Variants in GRID2 observed in about 807,000 individuals in gnomAD.
The protein encoded by GRID2 is glutamate receptor ionotropic, delta-2.
In GRID2, 33 loss-of-function variants were observed where a neutral mutation model predicts 114.8. That is an observed-to-expected ratio of 0.29 (90% CI 0.22 to 0.38). GRID2 has a LOEUF of 0.38. Among genes scored for constraint, GRID2 ranks in the 10% least tolerant of loss-of-function variants. The pLI is 1.00. For missense variants in GRID2, 1,184 were observed against 1,257.7 expected, an observed-to-expected ratio of 0.94 and a Z score of 0.89; for synonymous variants, 505 against 449.9, an observed-to-expected ratio of 1.12 and a Z score of -1.55.
chr4:92,856,797 G>A (rs185324651), intron 2 of GRID2, among the ~76,000 whole-genome samples: 139 of 152,238 alleles, frequency 9.1e-4, no homozygotes, highest in African/African-American at 3.2e-3. Context: ...CACCATTGCA[G>A]GGATACCTTT....
At chr4:92,515,730 T>A (rs1005560882) in intron 1 of GRID2, among the ~76,000 whole-genome samples, 2 of 151,960 alleles carry the variant, frequency 1.3e-5, no homozygotes, top group African/African-American at 2.4e-5. Flanking sequence ...ATTTATTGAG[T>A]ACCTACTAAC....
chr4:93,133,978 G>A (rs1735024762), intron 4 of GRID2, among the ~76,000 whole-genome samples: 1 of 152,148 alleles, frequency 6.6e-6, no homozygotes, highest in African/African-American at 2.4e-5. Context: ...AGAATGCATA[G>A]TCTCACTTTT....
At chr4:93,094,925 T>G (rs1476172934) in intron 3 of GRID2, among the ~76,000 whole-genome samples, 2 of 151,814 alleles carry the variant, frequency 1.3e-5, no homozygotes, top group Non-Finnish European at 2.9e-5. Flanking sequence ...ATGTTGGTAT[T>G]TGAAAAAAGA....
chr4:93,154,805 C>A (rs1283180311), intron 4 of GRID2, among the ~76,000 whole-genome samples: 2 of 151,652 alleles, frequency 1.3e-5, no homozygotes, highest in Non-Finnish European at 2.9e-5. Context: ...CAACAAAAAA[C>A]CCTTTTCCTC....
At chr4:93,680,320 T>G (rs1725385836) in intron 14 of GRID2, among the ~76,000 whole-genome samples, 1 of 151,874 alleles carries the variant, frequency 6.6e-6, no homozygotes, top group Non-Finnish European at 1.5e-5. Context: ...CAGGACCAGA[T>G]GGATTCACAG....
intron 1 of GRID2, among the ~76,000 whole-genome samples, chr4:92,550,248 T>C (rs1263013702): frequency 2.0e-5 from 3 of 152,130 alleles, no homozygotes; most frequent in Admixed American, 1.3e-4. Flanking sequence ...TATGAACACA[T>C]AGATTATATT....
chr4:92,562,577 A>T (rs997500588), intron 1 of GRID2, among the ~76,000 whole-genome samples: 1 of 152,094 alleles, frequency 6.6e-6, no homozygotes. Flanking sequence ...TGCCTGCTTT[A>T]TGTAGAGCCC....
intron 4 of GRID2, among the ~76,000 whole-genome samples, chr4:93,187,057 T>C (rs2149442655): frequency 6.6e-6 from 1 of 152,248 alleles, no homozygotes; most frequent in Non-Finnish European, 1.5e-5. Flanking sequence ...ACACCTCTTT[T>C]ATAAGGGACT....
chr4:92,450,788 ATAAATT>A (rs1370481497), intron 1 of GRID2, among the ~76,000 whole-genome samples: 3 of 150,104 alleles, frequency 2.0e-5, no homozygotes, highest in Non-Finnish European at 3.0e-5. Flanking sequence ...AAGTGTGTTA[ATAAATT>A]TAAATTTAAA....
intron 6 of GRID2, among the ~76,000 whole-genome samples, chr4:93,224,223 A>C (rs1745218733): frequency 6.6e-6 from 1 of 152,182 alleles, no homozygotes; most frequent in Admixed American, 6.5e-5. Flanking sequence ...GAATGCAAAA[A>C]CTTAACATAT....
At chr4:92,862,968 A>C (rs1441861442) in intron 2 of GRID2, among the ~76,000 whole-genome samples, 1 of 152,038 alleles carries the variant, frequency 6.6e-6, no homozygotes, top group Non-Finnish European at 1.5e-5. Context: ...TTCATTATTT[A>C]CCAGTAATTA....
intron 14 of GRID2, among the ~76,000 whole-genome samples, chr4:93,716,931 G>T (rs1397688869): frequency 6.6e-6 from 1 of 151,974 alleles, no homozygotes; most frequent in Non-Finnish European, 1.5e-5. Flanking sequence ...CATAGTCAGG[G>T]TCAAAATAGA....
chr4:92,536,217 C>T (rs954813753), intron 1 of GRID2, among the ~76,000 whole-genome samples: 1 of 151,892 alleles, frequency 6.6e-6, no homozygotes, highest in South Asian at 2.1e-4. Flanking sequence ...TGACAGAGTG[C>T]TGATTGGTGC....
chr4:92,633,523 C>T (rs1730915376), intron 2 of GRID2, among the ~76,000 whole-genome samples: 2 of 152,062 alleles, frequency 1.3e-5, no homozygotes, highest in African/African-American at 4.8e-5. Context: ...TCCTAACTAC[C>T]TGGTTTATAT....
intron 2 of GRID2, among the ~76,000 whole-genome samples, chr4:92,666,127 C>T (rs1183735727): frequency 6.6e-6 from 1 of 151,392 alleles, no homozygotes; most frequent in East Asian, 1.9e-4. Context: ...CCCTCAGATT[C>T]AATAAATTCC....
chr4:93,678,330 G>A (rs539058041), intron 14 of GRID2, among the ~76,000 whole-genome samples: 1 of 152,316 alleles, frequency 6.6e-6, no homozygotes, highest in South Asian at 2.1e-4. Flanking sequence ...CTGGGAGAAT[G>A]GAACCAAGTT....
chr4:92,870,544 G>C (rs139206475), intron 2 of GRID2, among the ~76,000 whole-genome samples: 240 of 152,064 alleles, frequency 1.6e-3, no homozygotes, highest in African/African-American at 5.5e-3. Flanking sequence ...GAATAGGTGA[G>C]ATATATGTTT....
chr4:93,604,943 T>A (rs914079203), intron 13 of GRID2, among the ~76,000 whole-genome samples: 1 of 152,220 alleles, frequency 6.6e-6, no homozygotes, highest in Non-Finnish European at 1.5e-5. Flanking sequence ...CAAAAAGTCA[T>A]GTGATTCACT....
intron 8 of GRID2, among the ~76,000 whole-genome samples, chr4:93,334,089 T>C (rs867210488): frequency 3.3e-5 from 5 of 152,320 alleles, no homozygotes; most frequent in African/African-American, 1.2e-4. Flanking sequence ...ACATAATGTC[T>C]TTGCCCTAGG....
Sources: gnomAD v4.1 joint callset for allele counts (sites outside exome capture counted in the v4.1 genomes callset) on GRCh38, gnomAD v4.1.1 for gene constraint, MANE v1.5 for transcripts, NCBI Gene and HGNC (gene_info 2026-07-23, HGNC 2026-07-21) for gene names.